The following ARHGAP19 variants were observed in gnomAD, a reference collection of about 807,000 sequenced individuals.
ARHGAP19 encodes the protein rho GTPase-activating protein 19.
ARHGAP19 carries 48 observed loss-of-function variants against 60.9 expected under a neutral mutation model. That is an observed-to-expected ratio of 0.79 (90% CI 0.62 to 1.00). The LOEUF is 1.00. Ranked by LOEUF, ARHGAP19 falls within the 50% of genes least tolerant of loss-of-function variation. ARHGAP19 has a pLI of 0.00. For synonymous variants in ARHGAP19, 209 were observed against 215.5 expected (o/e 0.97, Z 0.27); for missense variants, 562 against 597.2 (o/e 0.94, Z 0.61).
At chr10:97,251,407 AG>A in intron 6 of ARHGAP19, among the ~76,000 whole-genome samples, 1 of 24,376 alleles carries the variant, frequency 4.1e-5, no homozygotes. Flanking sequence ...GGGGAAGGGA[AG>A]GGAAAGGAAG....
chr10:97,246,472 C>A (rs567729552), intron 6 of ARHGAP19, 135 bp from the exon 7 acceptor site: 3 of 664,370 alleles, frequency 4.5e-6, no homozygotes, highest in East Asian at 5.5e-5. Flanking sequence ...CCTCAAAATT[C>A]ATAGCCCCTC....
chr10:97,227,931 C>G (rs1850928497), intron 11 of ARHGAP19, among the ~76,000 whole-genome samples: 1 of 152,206 alleles, frequency 6.6e-6, no homozygotes, highest in African/African-American at 2.4e-5. Flanking sequence ...GGTATTATTT[C>G]CGCATGTCTT....
chr10:97,256,174 C>A (rs1398012765), intron 6 of ARHGAP19, 144 bp downstream of exon 6: 10 of 716,006 alleles, frequency 1.4e-5, no homozygotes, highest in Admixed American at 2.2e-5. Flanking sequence ...GTTGTTACCC[C>A]CTGGGTTTTG....
intron 1 of ARHGAP19, among the ~76,000 whole-genome samples, chr10:97,283,431 G>A (rs1843114083): frequency 6.6e-6 from 1 of 151,932 alleles, no homozygotes; most frequent in South Asian, 2.1e-4. Context: ...GCGCATGCCT[G>A]TAGTCCCAGC....
intron 10 of ARHGAP19, 105 bp from the exon 11 acceptor site, chr10:97,229,330 T>C: frequency 1.1e-6 from 1 of 924,146 alleles, no homozygotes; most frequent in Non-Finnish European, 1.7e-6. Context: ...GTGAAGAGTT[T>C]TTCTGAGACT....
chr10:97,238,810 G>T (rs1489508147), intron 8 of ARHGAP19, among the ~76,000 whole-genome samples: 1 of 152,172 alleles, frequency 6.6e-6, no homozygotes, highest in Non-Finnish European at 1.5e-5. Context: ...AGTCGTGTCA[G>T]CAATGTCCTA....
rs180685560 is a variant in ARHGAP19, at chr10:97,226,594, G to A, written c.1475-462C>T. On this transcript the variant is annotated intron_variant, in intron 11 of 11. Transcript: ENST00000358531. ...CAACACTCAATGTTTACTAAAAGCCGACTCAGCACAAGGCACTGTCATTTT... is the reference window on the plus strand; with the variant it reads ...CAACACTCAATGTTTACTAAAAGCCAACTCAGCACAAGGCACTGTCATTTT... Among the ~76,000 whole-genome samples, 217 of 152,214 alleles carry A rather than the reference G, an allele frequency of 1.4e-3. 4 individuals carry two copies. The East Asian group carries it at 0.033, about 23-fold the overall frequency.
Position 97,259,457 on chromosome 10 carries a change from A to C in ARHGAP19, c.785T>G (p.Met262Arg). The C allele has an allele frequency of 6.2e-7, 1 of 1,614,196 alleles. No individual in the cohort carries two copies. Among genetic ancestry groups the C allele is most frequent in the Non-Finnish European group, 8.5e-7 (1 of 1,180,036 alleles). The part of the protein sequence containing the change: ...QTAKKQDKNK[M>R]SAYNLALMFA... The stretch of plus-strand genomic sequence containing the variant: ...CATAAGGGCAAGGTTATAGGCTGAC[A>C]TCTTGTTCTTGTCTTGTTTCTTTGC... Residue 262 changes from methionine to arginine, a missense_variant, in exon 5 of 12, where the codon ATG becomes AGG. Met to Arg is a moderately conservative substitution (Grantham distance 91, BLOSUM62 -1). Transcript: ENST00000358531.
chr10:97,249,272 G>A (rs965012637), intron 6 of ARHGAP19, among the ~76,000 whole-genome samples: 1 of 152,068 alleles, frequency 6.6e-6, no homozygotes, highest in African/African-American at 2.4e-5. Flanking sequence ...TCACTCTACA[G>A]GTTATTTACT....
chr10:97,232,023 G>A (rs1248449384), intron 9 of ARHGAP19, among the ~76,000 whole-genome samples: 4 of 147,278 alleles, frequency 2.7e-5, no homozygotes, highest in African/African-American at 1.0e-4. Flanking sequence ...TAGTGGGTGT[G>A]AAGTGGTATC....
chr10:97,244,237 A>T, intron 7 of ARHGAP19, 78 bp from the exon 8 acceptor site: 2 of 1,201,212 alleles, frequency 1.7e-6, no homozygotes, highest in Non-Finnish European at 2.3e-6. Context: ...AACCTGGAAC[A>T]AAAAAAGGGA....
chr10:97,252,478 G>C (rs1183223571), intron 6 of ARHGAP19, among the ~76,000 whole-genome samples: 1 of 151,844 alleles, frequency 6.6e-6, no homozygotes, highest in African/African-American at 2.4e-5. Context: ...AAAAAAATTA[G>C]CCGGGCGTGG....
At position 97,233,006 on chromosome 10, in the gene ARHGAP19, G is replaced by A. The variant is rs112607597; in HGVS notation, c.1284+2211C>T. ...CTACTAAAAATACAAAAAATTAGCC[G>A]GGCATGGTGGTGGGCGCCTGTAATC... On this transcript the variant is annotated intron_variant, in intron 9 of 11. Transcript: ENST00000358531. Among the ~76,000 whole-genome samples, 428 of 152,104 alleles carry A rather than the reference G, an allele frequency of 2.8e-3. 2 individuals are homozygous for A. Among genetic ancestry groups the A allele is most frequent in the African/African-American group, 9.0e-3 (373 of 41,504 alleles).
chr10:97,233,822 C>G (rs944523199), intron 9 of ARHGAP19, among the ~76,000 whole-genome samples: 3 of 150,758 alleles, frequency 2.0e-5, no homozygotes, highest in Non-Finnish European at 4.4e-5. Flanking sequence ...GAGCTGAGAT[C>G]AAGCCACTGC....
intron 6 of ARHGAP19, among the ~76,000 whole-genome samples, chr10:97,253,651 C>T (rs1447141887): frequency 6.6e-6 from 1 of 152,060 alleles, no homozygotes; most frequent in Non-Finnish European, 1.5e-5. Context: ...TTGAAATGTC[C>T]CCAACACATA....
chr10:97,278,740 A>G (rs1002274559), intron 1 of ARHGAP19, among the ~76,000 whole-genome samples: 1 of 152,222 alleles, frequency 6.6e-6, no homozygotes, highest in Non-Finnish European at 1.5e-5. Context: ...TGAAAAATCA[A>G]TTACAGAAAA....
At chr10:97,285,537 T>TTTG (rs1168681790) in intron 1 of ARHGAP19, among the ~76,000 whole-genome samples, 4 of 146,422 alleles carry the variant, frequency 2.7e-5, no homozygotes, top group African/African-American at 1.0e-4. Flanking sequence ...TTTTTTTTTT[T>TTTG]GAGACAGAGT....
At chr10:97,226,168 T>C (rs1205179407) in intron 11 of ARHGAP19, 36 bp from the exon 12 acceptor site, 2 of 1,611,182 alleles carry the variant, frequency 1.2e-6, no homozygotes, top group South Asian at 2.2e-5. Context: ...TTAGACATGT[T>C]CTTAAATATT....
In ARHGAP19 at chr10:97,228,131, A is replaced by G. The variant is rs187999167; in HGVS notation, c.1474+1016T>C. Among the ~76,000 whole-genome samples the G allele has an allele frequency of 2.5e-3, 379 of 152,388 alleles. 2 individuals are homozygous for G. Among genetic ancestry groups the G allele is most frequent in the African/African-American group, 8.9e-3 (369 of 41,598 alleles). ...AACGAGGAAAGAAAAGAGAGTTTAG[A>G]TAATTCATTCAAGGATAAGTAAGAA... On this transcript the variant is annotated intron_variant, in intron 11 of 11. Transcript: ENST00000358531.
Sources: allele counts gnomAD v4.1 joint callset (sites outside exome capture counted in the v4.1 genomes callset), GRCh38; gene constraint gnomAD v4.1.1; transcripts MANE v1.5; gene names NCBI Gene and HGNC (gene_info 2026-07-23, HGNC 2026-07-21).